The following PIEZO2 variants were observed in gnomAD, a reference collection of about 807,000 sequenced individuals.
The protein encoded by PIEZO2 is piezo-type mechanosensitive ion channel component 2.
PIEZO2 carries 172 observed loss-of-function variants against 337.3 expected under a neutral mutation model. The ratio of observed to expected loss-of-function variants is 0.51; its 90% CI spans 0.45 to 0.58. The LOEUF (loss-of-function observed/expected upper bound fraction) is 0.58, where lower values mean the gene tolerates loss of function less well. Among genes scored for constraint, PIEZO2 ranks in the 20% least tolerant of loss-of-function variants. PIEZO2 has a pLI of 0.00. For synonymous variants in PIEZO2, 1,251 were observed against 1,228.5 expected, an observed-to-expected ratio of 1.02 and a Z score of -0.38; for missense variants, 3,028 against 3,391.3, an observed-to-expected ratio of 0.89 and a Z score of 2.66.
rs754013507 is a variant in PIEZO2, at chr18:10,833,879, G to A, written c.917+21474C>T. On this transcript the variant is annotated intron_variant, in intron 7 of 55. Coordinates refer to ENST00000674853, the MANE Select transcript of PIEZO2 (RefSeq NM_001378183.1). This position sits in a 1 kb window ranked among gnomAD's most constrained non-coding sequence, Gnocchi z 4.7. ...CCTTGTCAACACAGGCTTGGCCCTGGACCACATTCCTCCTAATCCTTGTCT... is the reference window on the plus strand; with the variant it reads ...CCTTGTCAACACAGGCTTGGCCCTGAACCACATTCCTCCTAATCCTTGTCT... Among the ~76,000 whole-genome samples, 4 of 152,220 alleles carry A rather than the reference G, an allele frequency of 2.6e-5. No individual in the cohort carries two copies. Among genetic ancestry groups the A allele is most frequent in the Non-Finnish European group, 5.9e-5 (4 of 68,046 alleles).
intron 2 of PIEZO2, among the ~76,000 whole-genome samples, chr18:11,044,480 A>G (rs934614767): frequency 6.6e-6 from 1 of 152,194 alleles, no homozygotes; most frequent in African/African-American, 2.4e-5. Context: ...TTGTGAATCA[A>G]ATACAGAGAA....
chr18:10,799,410 A>G (rs940634001), intron 11 of PIEZO2, among the ~76,000 whole-genome samples: 2 of 152,228 alleles, frequency 1.3e-5, no homozygotes, highest in African/African-American at 4.8e-5. Flanking sequence ...GTGTTGCCAG[A>G]CCTTCACAGT....
At chr18:10,704,959 G>T (rs1462343770) in intron 41 of PIEZO2, among the ~76,000 whole-genome samples, 2 of 152,204 alleles carry the variant, frequency 1.3e-5, no homozygotes, top group South Asian at 4.1e-4. Flanking sequence ...CCAAAGTGCT[G>T]GGATTACAGG....
rs1384189300 is a variant in PIEZO2, at chr18:10,677,513, T to C, written c.8081+234A>G. 1 of 410,786 alleles carries C rather than the reference T, an allele frequency of 2.4e-6. No individual in the cohort carries two copies. Among genetic ancestry groups the C allele is most frequent in the African/African-American group, 2.1e-5 (1 of 46,914 alleles). 25.4% of individuals were successfully genotyped at this position (410,786 alleles called of 1,614,324 possible). A position where few individuals can be genotyped will look rare whatever the true frequency, so the allele number is the denominator to read the frequency against. ...GATTACAGGCATGAGCCACCATGCC[T>C]GGCCCAAACCCTCATTTGGAACATA... is the stretch of plus-strand genomic sequence containing the variant. On this transcript the variant is annotated intron_variant, in intron 53 of 55. Coordinates refer to ENST00000674853, the MANE Select transcript of PIEZO2 (RefSeq NM_001378183.1). This position sits in a 1 kb window ranked among gnomAD's most constrained non-coding sequence, Gnocchi z 4.1.
intron 7 of PIEZO2, among the ~76,000 whole-genome samples, chr18:10,825,472 T>G (rs2144497164): frequency 6.6e-6 from 1 of 152,150 alleles, no homozygotes; most frequent in African/African-American, 2.4e-5. Context: ...ATGTTAAGTT[T>G]GATCACTTGG....
chr18:11,080,387 C>CTA lies in PIEZO2; in HGVS notation c.65-14167_65-14166dup, dbSNP rs377354742. On this transcript the variant is annotated intron_variant, in intron 1 of 55. Coordinates refer to ENST00000674853, the MANE Select transcript of PIEZO2 (RefSeq NM_001378183.1). The surrounding 1 kb of genome is among the most constrained non-coding windows in gnomAD (Gnocchi z 5.4). ...ATATGGCCTTGTAGAATTTCACCAT[C>CTA]TATACATGCTACTTCCTTGATTAGA... Among the ~76,000 whole-genome samples, 276 of 152,346 alleles carry CTA rather than the reference C, an allele frequency of 1.8e-3. 2 individuals carry two copies. Among genetic ancestry groups the CTA allele is most frequent in the Middle Eastern group, 3.4e-3 (1 of 294 alleles).
At chr18:10,900,810 C>T (rs758808195) in intron 4 of PIEZO2, among the ~76,000 whole-genome samples, 6 of 152,172 alleles carry the variant, frequency 3.9e-5, no homozygotes, top group Non-Finnish European at 7.3e-5. Flanking sequence ...TCCACACATG[C>T]GCAGTATCTC....
At chr18:10,851,146 T>C (rs1349113857) in intron 7 of PIEZO2, among the ~76,000 whole-genome samples, 4 of 142,466 alleles carry the variant, frequency 2.8e-5, no homozygotes, top group Non-Finnish European at 6.0e-5. Context: ...TTTTCTTTTT[T>C]TCTTTTATCT....
At chr18:10,735,754 T>C (rs952940329) in intron 34 of PIEZO2, among the ~76,000 whole-genome samples, 1 of 152,106 alleles carries the variant, frequency 6.6e-6, no homozygotes, top group African/African-American at 2.4e-5. Context: ...TTTTTCTATG[T>C]CACTGGGAAA....
At chr18:10,926,368 A>T (rs1342730034) in intron 3 of PIEZO2, among the ~76,000 whole-genome samples, 1 of 152,124 alleles carries the variant, frequency 6.6e-6, no homozygotes, top group Non-Finnish European at 1.5e-5. Flanking sequence ...TCTTTTCTCC[A>T]TTATCTGGTT....
At chr18:10,918,884 T>C (rs912659600) in intron 3 of PIEZO2, among the ~76,000 whole-genome samples, 1 of 152,052 alleles carries the variant, frequency 6.6e-6, no homozygotes. Flanking sequence ...TTTGCTGTTA[T>C]ATATAACATT....
rs112117542 is a variant in PIEZO2 at position 11,031,988 on chromosome 18, C to A, written c.160+34139G>T. On this transcript the variant is annotated intron_variant, in intron 2 of 55. Transcript: ENST00000674853. The surrounding 1 kb of genome is among the most constrained non-coding windows in gnomAD (Gnocchi z 4.7). ...TGTTTCTCTCTGTCTCTCTCTCACA[C>A]ACATACGCATACACACAGATATTTA... 3.4e-3 allele frequency among the ~76,000 whole-genome samples: 517 copies of A among 152,274 alleles called. 5 individuals are homozygous for A. Among genetic ancestry groups the A allele is most frequent in the African/African-American group, 0.012 (482 of 41,534 alleles).
Position 11,148,375 on chromosome 18 carries a change from G to C in PIEZO2, c.64+150C>G, listed in dbSNP as rs12456886. 3.6e-6 allele frequency: 3 copies of C among 843,228 alleles called. No individual in the cohort carries two copies. Among genetic ancestry groups the C allele is most frequent in the Non-Finnish European group, 5.6e-6 (3 of 539,688 alleles). 52.2% of individuals were successfully genotyped at this position (843,228 alleles called of 1,614,324 possible). A position where few individuals can be genotyped will look rare whatever the true frequency, so the allele number is the denominator to read the frequency against. Reference sequence around the variant, plus strand: ...CCAGAGTGGGAAGTGAGAGAGCCAGGCTGTGCACCAGGGACAGCGCGCGTC... The same window carrying C: ...CCAGAGTGGGAAGTGAGAGAGCCAGCCTGTGCACCAGGGACAGCGCGCGTC... On this transcript the variant is annotated intron_variant, in intron 1 of 55. Coordinates refer to ENST00000674853, the MANE Select transcript of PIEZO2 (RefSeq NM_001378183.1). This position sits in a 1 kb window ranked among gnomAD's most constrained non-coding sequence, Gnocchi z 5.2.
In PIEZO2 at chr18:11,052,896, G is replaced by A. The variant is rs962064010; in HGVS notation, c.160+13231C>T. 2.6e-5 allele frequency among the ~76,000 whole-genome samples: 4 copies of A among 152,168 alleles called. No individual in the cohort carries two copies. The East Asian group carries it at 7.7e-4, about 29-fold the overall frequency. On this transcript the variant is annotated intron_variant, in intron 2 of 55. Coordinates refer to ENST00000674853, the MANE Select transcript of PIEZO2 (RefSeq NM_001378183.1). ...ATCTCTCCAGACCCTTGTTCCCAGA[G>A]CCTGGTGATGTATCAGCCAACAAGT... is the stretch of plus-strand genomic sequence containing the variant.
chr18:10,741,907 A>G lies in PIEZO2; in HGVS notation c.4636+587T>C, dbSNP rs371405404. Among the ~76,000 whole-genome samples the G allele has an allele frequency of 8.5e-3, 1,293 of 152,306 alleles. 22 individuals carry two copies. The highest frequency in any genetic ancestry group is 0.028 in the African/African-American group (1,181 of 41,570). ...GGTGGCTCACGCCTGTAATCCCAGC[A>G]CTTTGGGAGGCCGAGGTGGGCGGAT... On this transcript the variant is annotated intron_variant, in intron 32 of 55. Coordinates refer to ENST00000674853, the MANE Select transcript of PIEZO2 (RefSeq NM_001378183.1).
chr18:11,066,090 T>C, intron 2 of PIEZO2, 37 bp downstream of exon 2: 1 of 1,463,162 alleles, frequency 6.8e-7, no homozygotes, highest in Non-Finnish European at 9.3e-7. Flanking sequence ...ATTCAGACTG[T>C]ATAACTCTGT....
chr18:10,919,220 T>TCTA (rs1217866854), intron 3 of PIEZO2, among the ~76,000 whole-genome samples: 1 of 152,160 alleles, frequency 6.6e-6, no homozygotes, highest in Non-Finnish European at 1.5e-5. Flanking sequence ...GCCCATTGTC[T>TCTA]ATTAGATGTT....
At position 10,713,981 on chromosome 18, in the gene PIEZO2, A is replaced by T. The variant is rs1295168885; in HGVS notation, c.5423+783T>A. Among the ~76,000 whole-genome samples, 3 of 152,172 alleles carry T rather than the reference A, an allele frequency of 2.0e-5. No individual in the cohort carries two copies. Among genetic ancestry groups the T allele is most frequent in the Admixed American group, 6.6e-5 (1 of 15,264 alleles). ...CAGGCAGTAAGTTGGTCTGCGGTGC[A>T]GGAAGAGGCAATGAGAGACAGCATA... is the stretch of plus-strand genomic sequence containing the variant. On this transcript the variant is annotated intron_variant, in intron 39 of 55. Transcript: ENST00000674853. This position sits in a 1 kb window ranked among gnomAD's most constrained non-coding sequence, Gnocchi z 4.5.
At chr18:11,007,104 A>G (rs1325318608) in intron 2 of PIEZO2, among the ~76,000 whole-genome samples, 3 of 152,190 alleles carry the variant, frequency 2.0e-5, no homozygotes, top group East Asian at 1.9e-4. Flanking sequence ...TTATTTTGCT[A>G]TCAAACACTA....
Sources: allele counts gnomAD v4.1 joint callset (sites outside exome capture counted in the v4.1 genomes callset), GRCh38; gene constraint gnomAD v4.1.1; non-coding constraint Gnocchi (gnomAD v3.1); transcripts MANE v1.5; gene names NCBI Gene and HGNC (gene_info 2026-07-23, HGNC 2026-07-21).